CADPS2: variants seen among roughly 807,000 people sequenced by gnomAD.
The protein encoded by CADPS2 is calcium dependent secretion activator 2, also known as calcium-dependent secretion activator 2.
In CADPS2, 93 loss-of-function variants were observed where a neutral mutation model predicts 172.5. The observed-to-expected ratio is 0.54, with a 90% CI of 0.46 to 0.64. CADPS2 has a LOEUF of 0.64. Among genes scored for constraint, CADPS2 ranks in the 30% least tolerant of loss-of-function variants. The pLI, the probability that CADPS2 is intolerant of heterozygous loss-of-function variation, is 0.00. For missense variants in CADPS2, 1,420 were observed against 1,565.9 expected, an observed-to-expected ratio of 0.91 and a Z score of 1.57; for synonymous variants, 546 against 555.2, an observed-to-expected ratio of 0.98 and a Z score of 0.23.
intron 27 of CADPS2, among the ~76,000 whole-genome samples, chr7:122,348,419 T>C (rs868075849): frequency 6.6e-6 from 1 of 152,156 alleles, no homozygotes; most frequent in African/African-American, 2.4e-5. Context: ...AGGGATATAA[T>C]ACTGAAATTT....
intron 14 of CADPS2, among the ~76,000 whole-genome samples, chr7:122,456,696 T>A (rs985812700): frequency 3.3e-5 from 5 of 152,228 alleles, no homozygotes; most frequent in Admixed American, 2.6e-4. Context: ...GATCTTAACG[T>A]CTGCCTGTGG....
intron 8 of CADPS2, among the ~76,000 whole-genome samples, chr7:122,518,779 A>T (rs924888766): frequency 6.6e-6 from 1 of 152,094 alleles, no homozygotes; most frequent in South Asian, 2.1e-4. Context: ...GTTTTATGTG[A>T]CAATTTATGA....
At chr7:122,374,132 T>C (rs774011584) in intron 25 of CADPS2, among the ~76,000 whole-genome samples, 5 of 152,108 alleles carry the variant, frequency 3.3e-5, no homozygotes, top group Non-Finnish European at 7.4e-5. Context: ...ACCACATTAA[T>C]AGAATGAAGG....
intron 14 of CADPS2, among the ~76,000 whole-genome samples, chr7:122,462,278 A>G (rs1453729465): frequency 6.6e-6 from 1 of 152,172 alleles, no homozygotes; most frequent in Admixed American, 6.5e-5. Flanking sequence ...ACCTAGGAGG[A>G]GAAATTTGTT....
chr7:122,823,136 T>G (rs980263255), intron 1 of CADPS2, among the ~76,000 whole-genome samples: 1 of 152,208 alleles, frequency 6.6e-6, no homozygotes, highest in Non-Finnish European at 1.5e-5. Flanking sequence ...ATTCAGATCT[T>G]TTGTACATTT....
chr7:122,559,792 A>G (rs994307983), intron 7 of CADPS2, among the ~76,000 whole-genome samples: 2 of 148,928 alleles, frequency 1.3e-5, no homozygotes, highest in South Asian at 2.1e-4. Context: ...AAAAAAAAAA[A>G]GGAAAAGAAA....
intron 6 of CADPS2, among the ~76,000 whole-genome samples, chr7:122,610,971 T>A (rs555410060): frequency 2.0e-5 from 3 of 152,084 alleles, no homozygotes; most frequent in African/African-American, 7.2e-5. Flanking sequence ...ATTGACTCTA[T>A]TTACTACAGA....
chr7:122,589,094 G>C (rs1351180361), intron 6 of CADPS2, among the ~76,000 whole-genome samples: 3 of 151,878 alleles, frequency 2.0e-5, no homozygotes, highest in African/African-American at 7.3e-5. Flanking sequence ...TGTATGTGTT[G>C]GTGTCTTTCT....
chr7:122,714,904 G>A (rs1256284273), intron 2 of CADPS2, among the ~76,000 whole-genome samples: 1 of 152,026 alleles, frequency 6.6e-6, no homozygotes, highest in Non-Finnish European at 1.5e-5. Flanking sequence ...TCAGAATCTC[G>A]TTTTATCAAT....
chr7:122,597,957 T>C (rs2072122814), intron 6 of CADPS2, among the ~76,000 whole-genome samples: 1 of 152,084 alleles, frequency 6.6e-6, no homozygotes, highest in South Asian at 2.1e-4. Context: ...TGGGACATTA[T>C]TCTAATAAAA....
rs55933077 is a variant in CADPS2, at chr7:122,609,412, G to A, written c.1223+5769C>T. ...ATAAAAGTGTAGAAACAATTCCTCC[G>A]TATCTCATTCATACAAAACTTTTCC... On this transcript the variant is annotated intron_variant, in intron 6 of 29. Coordinates refer to ENST00000449022, the MANE Select transcript of CADPS2 (RefSeq NM_017954.11). 7.7e-3 allele frequency among the ~76,000 whole-genome samples: 1,175 copies of A among 152,060 alleles called. 15 individuals carry two copies. The highest frequency in any genetic ancestry group is 0.027 in the African/African-American group (1,134 of 41,492).
chr7:122,876,684 AT>A (rs544169678), intron 1 of CADPS2, among the ~76,000 whole-genome samples: 1 of 152,290 alleles, frequency 6.6e-6, no homozygotes, highest in East Asian at 1.9e-4. Context: ...ATACATGTAT[AT>A]TTTTAGGAAG....
intron 8 of CADPS2, among the ~76,000 whole-genome samples, chr7:122,547,605 G>C (rs1171590916): frequency 1.3e-5 from 2 of 152,174 alleles, no homozygotes; most frequent in Non-Finnish European, 2.9e-5. Flanking sequence ...AGTGAGACAA[G>C]GTTCCTATTC....
intron 3 of CADPS2, among the ~76,000 whole-genome samples, chr7:122,634,510 A>G (rs2076874978): frequency 2.0e-5 from 3 of 152,102 alleles, no homozygotes; most frequent in Admixed American, 6.6e-5. Context: ...TCTTTGAGAT[A>G]TTCTGTAAAT....
intron 19 of CADPS2, chr7:122,409,761 T>C: frequency 2.5e-6 from 1 of 397,038 alleles, no homozygotes; most frequent in Non-Finnish European, 5.4e-6. Context: ...CCTGGGTTGG[T>C]AGGAAGATGA....
intron 20 of CADPS2, among the ~76,000 whole-genome samples, chr7:122,407,088 T>C (rs2046741966): frequency 6.6e-6 from 1 of 152,182 alleles, no homozygotes; most frequent in African/African-American, 2.4e-5. Flanking sequence ...TATCTCCCTA[T>C]CATCTGTACA....
intron 1 of CADPS2, among the ~76,000 whole-genome samples, chr7:122,844,464 T>A (rs1227835918): frequency 6.6e-6 from 1 of 152,176 alleles, no homozygotes; most frequent in Non-Finnish European, 1.5e-5. Context: ...TCACTTTTTA[T>A]AAGAGTTTCC....
chr7:122,642,144 G>A (rs995220178), intron 3 of CADPS2, among the ~76,000 whole-genome samples: 1 of 151,956 alleles, frequency 6.6e-6, no homozygotes, highest in Non-Finnish European at 1.5e-5. Flanking sequence ...GCCAGGCATG[G>A]TGGTAGGCGC....
intron 2 of CADPS2, among the ~76,000 whole-genome samples, chr7:122,713,177 A>G (rs1301409903): frequency 2.0e-5 from 3 of 152,152 alleles, no homozygotes; most frequent in Non-Finnish European, 4.4e-5. Context: ...TTAAATTTTT[A>G]TATTTAAAAA....
Sources: gnomAD v4.1 joint callset for allele counts (sites outside exome capture counted in the v4.1 genomes callset) on GRCh38, gnomAD v4.1.1 for gene constraint, MANE v1.5 for transcripts, NCBI Gene and HGNC (gene_info 2026-07-23, HGNC 2026-07-21) for gene names.